The following ARSG variants were observed in gnomAD, a reference collection of about 807,000 sequenced individuals.
The protein encoded by ARSG is arylsulfatase G.
A neutral mutation model predicts 50.5 loss-of-function variants in ARSG; 37 were observed. The observed-to-expected ratio is 0.73, with a 90% CI of 0.56 to 0.96. The LOEUF (loss-of-function observed/expected upper bound fraction) is 0.96. ARSG is among the 50% of genes least tolerant of loss of function. ARSG has a pLI of 0.00. For synonymous variants in ARSG, 225 were observed against 254.6 expected, an observed-to-expected ratio of 0.88 and a Z score of 1.11; for missense variants, 629 against 675.3, an observed-to-expected ratio of 0.93 and a Z score of 0.76.
At chr17:68,273,191 T>G (rs1555749676) in intron 1 of ARSG, among the ~76,000 whole-genome samples, 1 of 151,846 alleles carries the variant, frequency 6.6e-6, no homozygotes, top group East Asian at 1.9e-4. Flanking sequence ...ATATATGGCC[T>G]CCTTTTATTG....
At chr17:68,269,946 T>TA (rs1252724872) in intron 1 of ARSG, among the ~76,000 whole-genome samples, 1 of 152,166 alleles carries the variant, frequency 6.6e-6, no homozygotes, top group Non-Finnish European at 1.5e-5. Flanking sequence ...GTGTTGGGAT[T>TA]AGAGGCATGA....
intron 5 of ARSG, among the ~76,000 whole-genome samples, chr17:68,351,931 T>C (rs779272660): frequency 2.2e-4 from 34 of 152,144 alleles, no homozygotes; most frequent in Admixed American, 1.6e-3. Flanking sequence ...TGAGCTCAGC[T>C]AGGGAGAGGC....
intron 2 of ARSG, among the ~76,000 whole-genome samples, chr17:68,314,758 A>C (rs1555767942): frequency 6.6e-6 from 1 of 152,234 alleles, no homozygotes; most frequent in Non-Finnish European, 1.5e-5. Flanking sequence ...CATAGAGCCT[A>C]GCATACAATA....
At chr17:68,433,429 T>C in the ARSG span, 1 of 1,571,182 alleles carries the variant, frequency 6.4e-7, no homozygotes, top group Non-Finnish European at 8.8e-7. Context: ...CCTGACTCCT[T>C]TCGTTTAATG....
chr17:68,267,715 A>G (rs1208468705), intron 1 of ARSG: 1 of 151,848 alleles, frequency 6.6e-6, no homozygotes, highest in East Asian at 1.9e-4. Flanking sequence ...AAAACTGCTA[A>G]CGTGAGCAAT....
the ARSG span, among the ~76,000 whole-genome samples, chr17:68,437,166 G>A: frequency 6.6e-6 from 1 of 152,102 alleles, no homozygotes; most frequent in African/African-American, 2.4e-5. Flanking sequence ...ATAGTGAAAA[G>A]TCAGTACATA....
chr17:68,284,561 T>G (rs1555753840), intron 1 of ARSG, among the ~76,000 whole-genome samples: 1 of 152,158 alleles, frequency 6.6e-6, no homozygotes, highest in Non-Finnish European at 1.5e-5. Context: ...TTATTGAAAG[T>G]AGAAGGCAAC....
intron 2 of ARSG, among the ~76,000 whole-genome samples, chr17:68,325,968 A>G (rs781795614): frequency 2.0e-5 from 3 of 152,188 alleles, no homozygotes; most frequent in Non-Finnish European, 2.9e-5. Flanking sequence ...GTGGGACATT[A>G]CATGGGAAAC....
intron 8 of ARSG, among the ~76,000 whole-genome samples, chr17:68,372,396 T>C (rs1322364489): frequency 6.6e-6 from 1 of 152,184 alleles, no homozygotes; most frequent in Non-Finnish European, 1.5e-5. Context: ...AAAAGAGGTT[T>C]AATTGACTCA....
At chr17:68,304,754 C>T (rs782683511) in intron 1 of ARSG, among the ~76,000 whole-genome samples, 8 of 152,154 alleles carry the variant, frequency 5.3e-5, no homozygotes, top group East Asian at 1.9e-4. Context: ...GATCTTGAAC[C>T]GCTAGCCTCA....
the ARSG span, among the ~76,000 whole-genome samples, chr17:68,447,935 G>A: frequency 1.3e-5 from 2 of 149,736 alleles, no homozygotes; most frequent in African/African-American, 4.9e-5. Flanking sequence ...AGAGGTTGTG[G>A]TGAGCTGAGA....
At position 68,271,758 on chromosome 17, in the gene ARSG, G is replaced by T; in HGVS notation, c.-552+12332G>T. 1 of 843,934 alleles carries T rather than the reference G, an allele frequency of 1.2e-6. No individual in the cohort carries two copies. Among genetic ancestry groups the T allele is most frequent in the Non-Finnish European group, 1.8e-6 (1 of 543,630 alleles). 52.3% of individuals were successfully genotyped at this position (843,934 alleles called of 1,614,324 possible). A position where few individuals can be genotyped will look rare whatever the true frequency, so the allele number is the denominator to read the frequency against. On this transcript the variant is annotated intron_variant, in intron 1 of 11. Coordinates refer to the ARSG transcript ENST00000448504. The surrounding 1 kb of genome is among the most constrained non-coding windows in gnomAD (Gnocchi z 5.3). Reference sequence around the variant, plus strand: ...AATATGGATCCAGATTTTGTTATAAGTTCTGTGGAAATTTATTATACTCAG... The same window carrying T: ...AATATGGATCCAGATTTTGTTATAATTTCTGTGGAAATTTATTATACTCAG...
chr17:68,311,610 C>G (rs1025514531), intron 2 of ARSG, among the ~76,000 whole-genome samples: 1 of 151,976 alleles, frequency 6.6e-6, no homozygotes, highest in African/African-American at 2.4e-5. Flanking sequence ...CAGGGACACA[C>G]AGAGAGAGAT....
chr17:68,338,239 G>C (rs566649799), intron 2 of ARSG, among the ~76,000 whole-genome samples: 1 of 152,112 alleles, frequency 6.6e-6, no homozygotes. Context: ...GCGCGTGTGG[G>C]TGTCCCACAC....
At chr17:68,437,947 TTAAAA>T in the ARSG span, among the ~76,000 whole-genome samples, 4 of 58,808 alleles carry the variant, frequency 6.8e-5, 1 homozygote, top group African/African-American at 1.5e-4. Context: ...GACATCTCTC[TTAAAA>T]AAAAAAAAAA....
chr17:68,428,593 G>C, the ARSG span: 1 of 454,772 alleles, frequency 2.2e-6, no homozygotes, highest in South Asian at 2.2e-5. Flanking sequence ...CATAGGCTGA[G>C]GGGGAGACCA....
chr17:68,316,263 G>A (rs1169639099), intron 2 of ARSG, among the ~76,000 whole-genome samples: 1 of 152,088 alleles, frequency 6.6e-6, no homozygotes, highest in Non-Finnish European at 1.5e-5. Context: ...TCCTGACCGT[G>A]CTCTCCAACA....
At chr17:68,376,690 A>G (rs1316449986) in intron 8 of ARSG, among the ~76,000 whole-genome samples, 1 of 151,344 alleles carries the variant, frequency 6.6e-6, no homozygotes, top group Non-Finnish European at 1.5e-5. Flanking sequence ...ATACTATTCA[A>G]TTTTTTTTTA....
intron 2 of ARSG, among the ~76,000 whole-genome samples, chr17:68,322,917 C>A (rs999221461): frequency 6.6e-6 from 1 of 152,166 alleles, no homozygotes; most frequent in East Asian, 1.9e-4. Context: ...AGGGCTCTTT[C>A]CTGGCTTGCA....
Sources: allele counts gnomAD v4.1 joint callset (sites outside exome capture counted in the v4.1 genomes callset), GRCh38; gene constraint gnomAD v4.1.1; non-coding constraint Gnocchi (gnomAD v3.1); transcripts MANE v1.5; gene names NCBI Gene and HGNC (gene_info 2026-07-23, HGNC 2026-07-21).